Variants in DLG2 observed in about 807,000 individuals in gnomAD.
The protein encoded by DLG2 is discs large MAGUK scaffold protein 2.
DLG2 carries 45 observed loss-of-function variants against 132.5 expected under a neutral mutation model. That is an observed-to-expected ratio of 0.34 (90% confidence interval 0.27 to 0.44). The LOEUF is 0.44. DLG2 is among the 20% of genes least tolerant of loss of function. The pLI is 1.00. For synonymous variants in DLG2, 424 were observed against 419.6 expected (o/e 1.01, Z -0.13); for missense variants, 1,045 against 1,196.9 (o/e 0.87, Z 1.87).
intron 10 of DLG2, among the ~76,000 whole-genome samples, chr11:84,075,138 T>C (rs2096810814): frequency 6.6e-6 from 1 of 152,174 alleles, no homozygotes; most frequent in African/African-American, 2.4e-5. Flanking sequence ...CATTAAGATC[T>C]TACCTTAAAT....
chr11:85,288,334 A>C (rs1332169701), intron 3 of DLG2, among the ~76,000 whole-genome samples: 1 of 152,118 alleles, frequency 6.6e-6, no homozygotes, highest in African/African-American at 2.4e-5. Flanking sequence ...AATGTGTAAG[A>C]ACAGAAAGTA....
chr11:85,056,628 A>T (rs920875458), intron 6 of DLG2, among the ~76,000 whole-genome samples: 3 of 152,024 alleles, frequency 2.0e-5, no homozygotes, highest in African/African-American at 7.2e-5. Context: ...CTGACAAGAA[A>T]AAAAGCTACA....
chr11:85,385,408 A>G (rs2086244407), intron 3 of DLG2, among the ~76,000 whole-genome samples: 2 of 152,184 alleles, frequency 1.3e-5, no homozygotes, highest in African/African-American at 2.4e-5. Context: ...GGAGTAGGGA[A>G]GTTATTTCTT....
At chr11:83,923,548 A>G (rs1193551074) in intron 15 of DLG2, among the ~76,000 whole-genome samples, 1 of 152,048 alleles carries the variant, frequency 6.6e-6, no homozygotes, top group Non-Finnish European at 1.5e-5. Context: ...ATTGTTTTCT[A>G]AAGAGTTTTA....
rs1477222241 is a variant in DLG2 at position 83,456,753 on chromosome 11, G to C, written c.*3065C>G. On this transcript the variant is annotated 3_prime_UTR_variant, in exon 28 of 28. Coordinates refer to ENST00000376104, the MANE Select transcript of DLG2 (RefSeq NM_001142699.3). ...AGAGTCTCGAGCCAGAGGTTGGAGAGTTCTTTCCTGGCTCGGAGTCCTGAA... is the reference window on the plus strand; with the variant it reads ...AGAGTCTCGAGCCAGAGGTTGGAGACTTCTTTCCTGGCTCGGAGTCCTGAA... The C allele has an allele frequency of 1.3e-5, 2 of 152,206 alleles. No individual in the cohort carries two copies. The allele number at this position is 152,206 out of a possible 1,614,324, so 9.4% of individuals were successfully genotyped here. A position where few individuals can be genotyped will look rare whatever the true frequency, so the allele number is the denominator to read the frequency against.
chr11:85,062,489 A>C (rs1311615509), intron 6 of DLG2, among the ~76,000 whole-genome samples: 1 of 151,674 alleles, frequency 6.6e-6, no homozygotes, highest in Admixed American at 6.6e-5. Context: ...TTAAATGCAA[A>C]CATTGTGTTA....
chr11:83,724,701 C>T (rs563886650), intron 18 of DLG2, among the ~76,000 whole-genome samples: 2 of 152,144 alleles, frequency 1.3e-5, no homozygotes, highest in South Asian at 2.1e-4. Flanking sequence ...GTAGAAAATG[C>T]CTGCAAGCAG....
chr11:84,622,935 G>A (rs1199005220), intron 6 of DLG2, among the ~76,000 whole-genome samples: 4 of 152,026 alleles, frequency 2.6e-5, no homozygotes, highest in African/African-American at 9.7e-5. Context: ...ACCAATCTCT[G>A]GAAATTTTAT....
intron 18 of DLG2, among the ~76,000 whole-genome samples, chr11:83,757,014 A>C (rs2093676230): frequency 1.3e-5 from 2 of 152,210 alleles, no homozygotes; most frequent in African/African-American, 4.8e-5. Context: ...ATATGTGGCA[A>C]GTGTGCCTAT....
intron 10 of DLG2, among the ~76,000 whole-genome samples, chr11:84,083,529 A>T (rs1395812267): frequency 2.0e-5 from 3 of 152,192 alleles, no homozygotes; most frequent in Non-Finnish European, 4.4e-5. Flanking sequence ...GCCTAATAAC[A>T]GGTGATTGGG....
At chr11:84,805,324 A>G (rs1306527853) in intron 6 of DLG2, among the ~76,000 whole-genome samples, 4 of 152,140 alleles carry the variant, frequency 2.6e-5, no homozygotes, top group Admixed American at 6.5e-5. Context: ...TCCTGCCCCA[A>G]AATGTACAGA....
At chr11:83,866,918 T>C (rs2062500930) in intron 16 of DLG2, among the ~76,000 whole-genome samples, 1 of 152,164 alleles carries the variant, frequency 6.6e-6, no homozygotes. Flanking sequence ...GGCTTCTTCC[T>C]AGTCCTGCTG....
At chr11:84,650,849 ATG>A (rs138640341) in intron 6 of DLG2, among the ~76,000 whole-genome samples, 2,767 of 92,346 alleles carry the variant, frequency 0.03, 80 homozygotes, top group Admixed American at 0.094. Context: ...ACTTTCCTGT[ATG>A]TGTGTGTGTG....
intron 11 of DLG2, among the ~76,000 whole-genome samples, chr11:84,001,604 C>T (rs1384139233): frequency 1.3e-5 from 2 of 152,120 alleles, no homozygotes; most frequent in African/African-American, 2.4e-5. Flanking sequence ...ACCTAACATA[C>T]ATTTGCAGAA....
intron 21 of DLG2, among the ~76,000 whole-genome samples, chr11:83,514,383 T>G (rs1431003318): frequency 4.6e-5 from 7 of 152,190 alleles, no homozygotes; most frequent in Admixed American, 6.5e-5. Flanking sequence ...TGATTTTGTA[T>G]CCTGAGACTT....
At chr11:83,654,063 C>T (rs2071526369) in intron 18 of DLG2, among the ~76,000 whole-genome samples, 2 of 152,114 alleles carry the variant, frequency 1.3e-5, no homozygotes, top group Non-Finnish European at 2.9e-5. Flanking sequence ...TTTTGAAGTG[C>T]TGAATTTATT....
At chr11:84,533,853 A>G (rs2099348645) in intron 7 of DLG2, among the ~76,000 whole-genome samples, 1 of 136,670 alleles carries the variant, frequency 7.3e-6, no homozygotes, top group Non-Finnish European at 1.5e-5. Context: ...ACTTTAATCA[A>G]CCTTTATAAG....
intron 6 of DLG2, among the ~76,000 whole-genome samples, chr11:84,560,989 C>T (rs1344525392): frequency 2.6e-5 from 4 of 152,124 alleles, no homozygotes; most frequent in Non-Finnish European, 5.9e-5. Context: ...TAATTTCATT[C>T]CCTTTTCTCA....
intron 7 of DLG2, among the ~76,000 whole-genome samples, chr11:84,286,692 T>C (rs917448465): frequency 2.0e-5 from 3 of 152,182 alleles, no homozygotes; most frequent in African/African-American, 7.2e-5. Context: ...AAACTATTTT[T>C]CAATAGCCTA....
Sources: gnomAD v4.1 joint callset for allele counts (sites outside exome capture counted in the v4.1 genomes callset) on GRCh38, gnomAD v4.1.1 for gene constraint, MANE v1.5 for transcripts, NCBI Gene and HGNC (gene_info 2026-07-23, HGNC 2026-07-21) for gene names.